The following BMERB1 variants were observed in gnomAD, a reference collection of about 807,000 sequenced individuals.
The protein encoded by BMERB1 is bMERB domain-containing protein 1.
In BMERB1, 12 loss-of-function variants were observed where a neutral mutation model predicts 23.6. That is an observed-to-expected ratio of 0.51 (90% CI 0.33 to 0.82). The LOEUF (loss-of-function observed/expected upper bound fraction) is 0.82, where lower values mean the gene tolerates loss of function less well. Ranked by LOEUF, BMERB1 falls within the 40% of genes least tolerant of loss-of-function variation. The probability of loss-of-function intolerance (pLI) is 0.03; values close to 1 mark genes in which losing one functional copy is unlikely to be tolerated. For missense variants in BMERB1, 247 were observed against 255.4 expected (o/e 0.97, Z 0.22); for synonymous variants, 122 against 96.6 (o/e 1.26, Z -1.54).
chr16:15,511,423 T>C (rs2051663619), intron 1 of BMERB1, among the ~76,000 whole-genome samples: 1 of 152,130 alleles, frequency 6.6e-6, no homozygotes, highest in African/African-American at 2.4e-5. Context: ...CTCTCCAATT[T>C]CATGTTTTTC....
rs111773940 is a variant in BMERB1, at chr16:15,439,366, G to A, written c.106+4607G>A. Among the ~76,000 whole-genome samples the A allele has an allele frequency of 4.0e-3, 612 of 151,810 alleles. 2 individuals carry two copies. The highest frequency in any genetic ancestry group is 0.034 in the Middle Eastern group (10 of 294). On this transcript the variant is annotated intron_variant, in intron 1 of 5. Transcript: ENST00000300006. ...CTCTTGGAAGATTAGATGAGATAAT[G>A]TATATAATGCATTTAGCACAGGGCC...
intron 2 of BMERB1, among the ~76,000 whole-genome samples, chr16:15,525,175 C>G (rs1206417795): frequency 6.6e-6 from 1 of 152,176 alleles, no homozygotes; most frequent in Non-Finnish European, 1.5e-5. Flanking sequence ...GAAGGCCTGA[C>G]TACAACAGAA....
chr16:15,560,158 G>A (rs1347929406), intron 2 of BMERB1, among the ~76,000 whole-genome samples: 1 of 152,196 alleles, frequency 6.6e-6, no homozygotes, highest in African/African-American at 2.4e-5. Context: ...GAGTCCTGCA[G>A]CGTGAATCCC....
chr16:15,437,775 G>T (rs2050900907), intron 1 of BMERB1, among the ~76,000 whole-genome samples: 1 of 151,998 alleles, frequency 6.6e-6, no homozygotes, highest in South Asian at 2.1e-4. Flanking sequence ...TGGCTAACAC[G>T]GTGAAACCCC....
At chr16:15,527,085 TATA>T (rs1210778155) in intron 2 of BMERB1, among the ~76,000 whole-genome samples, 4 of 151,822 alleles carry the variant, frequency 2.6e-5, no homozygotes, top group African/African-American at 7.3e-5. Flanking sequence ...GCAAAATATA[TATA>T]ATATTTACTA....
At chr16:15,582,255 C>T (rs560890738) in intron 4 of BMERB1, among the ~76,000 whole-genome samples, 9 of 152,142 alleles carry the variant, frequency 5.9e-5, no homozygotes, top group Admixed American at 2.6e-4. Flanking sequence ...AGAAATTAGC[C>T]GGGCGTGGTG....
At chr16:15,473,582 C>T (rs1249419617) in intron 1 of BMERB1, among the ~76,000 whole-genome samples, 5 of 152,030 alleles carry the variant, frequency 3.3e-5, no homozygotes, top group South Asian at 2.1e-4. Context: ...TGTGAGCCAC[C>T]GTGCCTGGCC....
At chr16:15,556,582 TTTTA>T (rs1032112983) in intron 2 of BMERB1, among the ~76,000 whole-genome samples, 10 of 152,074 alleles carry the variant, frequency 6.6e-5, no homozygotes, top group Admixed American at 2.0e-4. Flanking sequence ...ATTTATTTAT[TTTTA>T]TTTATTTATT....
chr16:15,520,719 C>G (rs1034226991), intron 2 of BMERB1, among the ~76,000 whole-genome samples: 1 of 152,068 alleles, frequency 6.6e-6, no homozygotes, highest in African/African-American at 2.4e-5. Context: ...GATCTCCTGA[C>G]CTCGTGATCC....
chr16:15,494,815 A>C (rs933713094), intron 1 of BMERB1, among the ~76,000 whole-genome samples: 6 of 149,214 alleles, frequency 4.0e-5, no homozygotes, highest in African/African-American at 9.9e-5. Context: ...TAATGATCTT[A>C]TTGGAGCCTT....
chr16:15,513,446 A>G (rs1183972426), intron 1 of BMERB1, among the ~76,000 whole-genome samples: 1 of 152,210 alleles, frequency 6.6e-6, no homozygotes, highest in Non-Finnish European at 1.5e-5. Context: ...AAAAGAACAC[A>G]TAACGAAATA....
rs577942327 is a variant in BMERB1, at chr16:15,525,961, C to G, written c.230+10533C>G. Among the ~76,000 whole-genome samples, 187 of 152,188 alleles carry G rather than the reference C, an allele frequency of 1.2e-3. 1 individual carries two copies. Among genetic ancestry groups the G allele is most frequent in the Middle Eastern group, 3.4e-3 (1 of 294 alleles). ...GTAAAGATGAACAGGTGATTATAAC[C>G]TGCAGTTTTGCTCCTGGGTCTACCC... is the stretch of plus-strand genomic sequence containing the variant. On this transcript the variant is annotated intron_variant, in intron 2 of 5. Transcript: ENST00000300006.
At chr16:15,478,621 A>G (rs2051292376) in intron 1 of BMERB1, among the ~76,000 whole-genome samples, 1 of 152,174 alleles carries the variant, frequency 6.6e-6, no homozygotes, top group Admixed American at 6.5e-5. Flanking sequence ...CTATTTTCCT[A>G]ATGATGCCAA....
intron 2 of BMERB1, chr16:15,533,127 T>TGCTACCAC: frequency 2.6e-6 from 1 of 386,450 alleles, no homozygotes; most frequent in South Asian, 1.9e-5. Flanking sequence ...GTCCAGTGCC[T>TGCTACCAC]GCTACCACGT....
At chr16:15,563,499 A>G (rs1438625032) in intron 2 of BMERB1, among the ~76,000 whole-genome samples, 3 of 152,070 alleles carry the variant, frequency 2.0e-5, no homozygotes, top group East Asian at 3.9e-4. Context: ...GATTACAGGT[A>G]TGAGCCACCG....
chr16:15,494,937 G>T (rs1230447121), intron 1 of BMERB1, among the ~76,000 whole-genome samples: 3 of 135,224 alleles, frequency 2.2e-5, no homozygotes. Flanking sequence ...AGGCTGGAGT[G>T]CAGTGGCTCG....
intron 1 of BMERB1, among the ~76,000 whole-genome samples, chr16:15,459,147 CAAAG>C (rs976789504): frequency 1.3e-5 from 2 of 151,598 alleles, no homozygotes; most frequent in Admixed American, 6.6e-5. Flanking sequence ...CACAAACAAA[CAAAG>C]GAATTAAAAT....
chr16:15,500,228 G>A (rs1177731534), intron 1 of BMERB1, among the ~76,000 whole-genome samples: 1 of 152,168 alleles, frequency 6.6e-6, no homozygotes, highest in Non-Finnish European at 1.5e-5. Flanking sequence ...AGGGGATTCT[G>A]GGTCACAGCT....
intron 1 of BMERB1, among the ~76,000 whole-genome samples, chr16:15,476,562 TG>T (rs1422909680): frequency 2.6e-5 from 4 of 152,214 alleles, no homozygotes; most frequent in Admixed American, 6.5e-5. Flanking sequence ...CAGGCCTGGC[TG>T]GCCATGACTT....
Sources: gnomAD v4.1 joint callset for allele counts (sites outside exome capture counted in the v4.1 genomes callset) on GRCh38, gnomAD v4.1.1 for gene constraint, MANE v1.5 for transcripts, NCBI Gene and HGNC (gene_info 2026-07-23, HGNC 2026-07-21) for gene names.